DCDC1: variants seen among roughly 807,000 people sequenced by gnomAD.
DCDC1 encodes the protein doublecortin domain containing 1.
Under a neutral mutation model 178.3 loss-of-function variants are expected in DCDC1, and 200 were observed. The ratio of observed to expected loss-of-function variants is 1.12; its 90% CI spans 1.00 to 1.26. DCDC1 has a LOEUF of 1.26. Among genes scored for constraint, DCDC1 ranks in the 50% most tolerant of loss-of-function variants. The pLI is 0.00. For missense variants in DCDC1, 1,983 were observed against 1,749.2 expected (o/e 1.13, Z -2.38); for synonymous variants, 690 against 604.8 (o/e 1.14, Z -2.07).
intron 20 of DCDC1, among the ~76,000 whole-genome samples, chr11:30,986,506 T>G (rs1950656358): frequency 6.6e-6 from 1 of 152,038 alleles, no homozygotes; most frequent in Admixed American, 6.6e-5. Context: ...CTAATTTTTG[T>G]ATTTTTAGTA....
intron 20 of DCDC1, among the ~76,000 whole-genome samples, chr11:30,980,159 T>C (rs1168231504): frequency 2.6e-5 from 4 of 152,150 alleles, no homozygotes; most frequent in African/African-American, 9.6e-5. Flanking sequence ...TTTCAGTACA[T>C]CCCCAGTGCC....
At chr11:31,081,007 G>A (rs563393038) in intron 17 of DCDC1, among the ~76,000 whole-genome samples, 3 of 152,148 alleles carry the variant, frequency 2.0e-5, no homozygotes, top group South Asian at 4.1e-4. Flanking sequence ...TTTGAGTTTC[G>A]ACTTTCTGAA....
At chr11:31,061,890 C>T (rs919413420) in intron 20 of DCDC1, among the ~76,000 whole-genome samples, 98 of 152,242 alleles carry the variant, frequency 6.4e-4, no homozygotes, top group Middle Eastern at 3.4e-3. Context: ...ATTAACTGCG[C>T]TGTCTTTTTT....
intron 34 of DCDC1, 101 bp from the exon 35 acceptor site, chr11:30,894,485 G>A: frequency 2.7e-6 from 4 of 1,480,084 alleles, no homozygotes; most frequent in Non-Finnish European, 3.6e-6. Flanking sequence ...CCACACAGGA[G>A]CATAAGCTAA....
chr11:30,981,973 T>G (rs290076), intron 20 of DCDC1, among the ~76,000 whole-genome samples: 3,501 of 152,240 alleles, frequency 0.023, 146 homozygotes, highest in African/African-American at 0.081. Flanking sequence ...TTCAACCATC[T>G]TTTAGAGTGA....
intron 29 of DCDC1, 121 bp from the exon 30 acceptor site, chr11:30,906,846 T>TAGCA: frequency 8.8e-6 from 8 of 912,004 alleles, no homozygotes; most frequent in Middle Eastern, 7.6e-4. Flanking sequence ...AATTTAAATT[T>TAGCA]TATGCTAAAT....
Position 31,290,663 on chromosome 11 carries a change from T to G in DCDC1, c.944A>C (p.Lys315Thr). The G allele has an allele frequency of 1.2e-6, 2 of 1,605,282 alleles. No individual in the cohort carries two copies. The highest frequency in any genetic ancestry group is 4.5e-5 in the East Asian group (2 of 44,784). Residue 315 changes from lysine to threonine, a missense_variant, in exon 7 of 39, where the codon AAA becomes ACA. Transcript: ENST00000684477. ...AAAAATTACCTTTTTCATTGTTTCTTTTCCCACTGTAATCTCATGCCCATC... is the reference window on the plus strand; with the variant it reads ...AAAAATTACCTTTTTCATTGTTTCTGTTCCCACTGTAATCTCATGCCCATC... Reference protein sequence around the residue: ...GQDGHEITVGKETMKKVLDTC... With the variant: ...GQDGHEITVGTETMKKVLDTC...
intron 20 of DCDC1, among the ~76,000 whole-genome samples, chr11:31,048,304 A>T (rs182997712): frequency 6.6e-5 from 10 of 152,344 alleles, no homozygotes; most frequent in Admixed American, 6.5e-4. Context: ...TTCAAATATT[A>T]GTAAATCATA....
rs375813957 is a variant in DCDC1 at position 31,303,710 on chromosome 11, C to A, written c.754+1905G>T. On this transcript the variant is annotated intron_variant, in intron 6 of 38. Transcript: ENST00000684477. ...TGTTTAAGCTTATCTATAAGCTCAACTTAGATGAATGGCTTTTCCCCATTA... is the reference window on the plus strand; with the variant it reads ...TGTTTAAGCTTATCTATAAGCTCAAATTAGATGAATGGCTTTTCCCCATTA... Among the ~76,000 whole-genome samples, 16 of 152,198 alleles carry A rather than the reference C, an allele frequency of 1.1e-4. No homozygotes were observed. In the East Asian group the frequency reaches 2.9e-3, roughly 28 times the overall value.
At chr11:31,230,908 T>A (rs991920736) in intron 9 of DCDC1, among the ~76,000 whole-genome samples, 4 of 152,176 alleles carry the variant, frequency 2.6e-5, no homozygotes, top group East Asian at 1.9e-4. Flanking sequence ...CCATTTTTTT[T>A]AATAAAACAT....
chr11:31,166,093 C>T (rs1966758051), intron 9 of DCDC1, among the ~76,000 whole-genome samples: 1 of 152,136 alleles, frequency 6.6e-6, no homozygotes, highest in South Asian at 2.1e-4. Flanking sequence ...TATTAGCTAT[C>T]AGTATATAAG....
intron 34 of DCDC1, among the ~76,000 whole-genome samples, chr11:30,898,802 A>G (rs1392493921): frequency 6.6e-6 from 1 of 152,226 alleles, no homozygotes; most frequent in Non-Finnish European, 1.5e-5. Flanking sequence ...AGCAAGATTC[A>G]TATGCTTTTA....
chr11:31,262,282 A>T (rs973910647), intron 8 of DCDC1, among the ~76,000 whole-genome samples: 9 of 151,870 alleles, frequency 5.9e-5, no homozygotes, highest in Admixed American at 6.6e-5. Flanking sequence ...AAAAAAAAAA[A>T]AATTGTCTAT....
At chr11:31,054,579 T>C (rs1031821670) in intron 20 of DCDC1, among the ~76,000 whole-genome samples, 4 of 151,472 alleles carry the variant, frequency 2.6e-5, no homozygotes, top group Admixed American at 1.3e-4. Flanking sequence ...ACACTGACTG[T>C]AAACTATACT....
At chr11:30,916,169 C>A (rs1945821615) in intron 26 of DCDC1, among the ~76,000 whole-genome samples, 1 of 152,136 alleles carries the variant, frequency 6.6e-6, no homozygotes, top group African/African-American at 2.4e-5. Flanking sequence ...TTTTAACTCA[C>A]CTCTAACAAG....
chr11:31,257,723 C>A (rs1311411049), intron 8 of DCDC1, among the ~76,000 whole-genome samples: 1 of 150,818 alleles, frequency 6.6e-6, no homozygotes, highest in Non-Finnish European at 1.5e-5. Flanking sequence ...CACACACATA[C>A]ACACACACAC....
intron 1 of DCDC1, among the ~76,000 whole-genome samples, chr11:31,351,260 A>C (rs909399213): frequency 6.6e-6 from 1 of 152,146 alleles, no homozygotes; most frequent in African/African-American, 2.4e-5. Context: ...ATATTTTTCT[A>C]AATACTAAAG....
chr11:31,077,138 T>G (rs1956910265), intron 18 of DCDC1, among the ~76,000 whole-genome samples: 1 of 152,164 alleles, frequency 6.6e-6, no homozygotes, highest in African/African-American at 2.4e-5. Context: ...TCTTAGAGAT[T>G]ACTCAAGTGG....
chr11:31,280,805 C>G, intron 7 of DCDC1: 1 of 617,084 alleles, frequency 1.6e-6, no homozygotes, highest in Non-Finnish European at 3.1e-6. Context: ...TGTATCCTCT[C>G]CCCAGGTGAT....
Sources: gnomAD v4.1 joint callset for allele counts (sites outside exome capture counted in the v4.1 genomes callset) on GRCh38, gnomAD v4.1.1 for gene constraint, MANE v1.5 for transcripts, NCBI Gene and HGNC (gene_info 2026-07-23, HGNC 2026-07-21) for gene names.